APMAP: variants seen among roughly 807,000 people sequenced by gnomAD.
APMAP encodes the protein adipocyte plasma membrane associated protein, also known as adipocyte plasma membrane-associated protein.
In APMAP, 33 loss-of-function variants were observed where a neutral mutation model predicts 43.6. The observed-to-expected ratio is 0.76, with a 90% CI of 0.57 to 1.01. The LOEUF is 1.01. APMAP is among the 50% of genes least tolerant of loss of function. The pLI is 0.00. For synonymous variants in APMAP, 224 were observed against 216.7 expected, an observed-to-expected ratio of 1.03 and a Z score of -0.30; for missense variants, 498 against 540.7, an observed-to-expected ratio of 0.92 and a Z score of 0.78.
chr20:24,973,186 C>G (rs1217599398), intron 4 of APMAP, among the ~76,000 whole-genome samples: 1 of 152,190 alleles, frequency 6.6e-6, no homozygotes, highest in Non-Finnish European at 1.5e-5. Flanking sequence ...GAGTCTTCTA[C>G]TCTAGTTTTC....
At chr20:24,967,528 A>G (rs2087956082) in intron 8 of APMAP, among the ~76,000 whole-genome samples, 1 of 152,132 alleles carries the variant, frequency 6.6e-6, no homozygotes, top group Non-Finnish European at 1.5e-5. Context: ...AGGATGACAA[A>G]TGAACTATGC....
chr20:24,987,308 G>C (rs563677385), intron 1 of APMAP, among the ~76,000 whole-genome samples: 1 of 152,270 alleles, frequency 6.6e-6, no homozygotes, highest in East Asian at 1.9e-4. Flanking sequence ...ACTTTCTGTA[G>C]AGAAAACATC....
At chr20:24,980,509 C>T (rs1038329843) in intron 2 of APMAP, among the ~76,000 whole-genome samples, 9 of 150,152 alleles carry the variant, frequency 6.0e-5, no homozygotes, top group Admixed American at 1.3e-4. Flanking sequence ...CACCTCTACA[C>T]GCTGGGCAGC....
At chr20:24,990,352 T>G (rs921792846) in intron 1 of APMAP, among the ~76,000 whole-genome samples, 10 of 152,230 alleles carry the variant, frequency 6.6e-5, no homozygotes, top group Non-Finnish European at 1.5e-4. Context: ...TCATTCATTT[T>G]CATTTCTCTT....
chr20:24,974,537 T>G (rs990235993), intron 3 of APMAP, among the ~76,000 whole-genome samples: 8 of 152,148 alleles, frequency 5.3e-5, no homozygotes, highest in African/African-American at 1.7e-4. Context: ...ATATACCAAC[T>G]GAAAGAGAGA....
intron 1 of APMAP, among the ~76,000 whole-genome samples, chr20:24,985,521 C>G (rs1358652644): frequency 6.6e-6 from 1 of 152,154 alleles, no homozygotes; most frequent in Non-Finnish European, 1.5e-5. Flanking sequence ...GACTTCTGGC[C>G]TACAAAACTA....
chr20:24,984,133 G>A (rs955378557), intron 1 of APMAP, 114 bp from the exon 2 acceptor site: 13 of 730,920 alleles, frequency 1.8e-5, no homozygotes, highest in African/African-American at 1.8e-4. Flanking sequence ...TTTCCCCACT[G>A]CAAGCTGGCC....
Position 24,978,755 on chromosome 20 carries a change from G to A in APMAP, c.328+12C>T. On this transcript the variant is annotated intron_variant, in intron 3 of 8. Coordinates refer to ENST00000217456, the MANE Select transcript of APMAP (RefSeq NM_020531.3). Reference sequence around the variant, plus strand: ...CCTGGAAGGCTCCCCCCCCACCCAAGCTTAGACTTACCCCCAATATGTGCT... The same window carrying A: ...CCTGGAAGGCTCCCCCCCCACCCAAACTTAGACTTACCCCCAATATGTGCT... 2 of 1,381,020 alleles carry A rather than the reference G, an allele frequency of 1.4e-6. No individual in the cohort carries two copies. The highest frequency in any genetic ancestry group is 1.9e-5 in the Admixed American group (1 of 53,238). The allele number at this position is 1,381,020 out of a possible 1,614,324, so 85.5% of individuals were successfully genotyped here. A position where few individuals can be genotyped will look rare whatever the true frequency, so the allele number is the denominator to read the frequency against.
At chr20:24,977,470 C>T (rs2088059792) in intron 3 of APMAP, among the ~76,000 whole-genome samples, 1 of 152,200 alleles carries the variant, frequency 6.6e-6, no homozygotes, top group African/African-American at 2.4e-5. Flanking sequence ...AGAGCTAGTA[C>T]CTCCTTCCAC....
intron 2 of APMAP, among the ~76,000 whole-genome samples, chr20:24,983,578 C>G (rs1440107845): frequency 6.6e-6 from 1 of 152,164 alleles, no homozygotes; most frequent in Non-Finnish European, 1.5e-5. Context: ...AATGAGGTAA[C>G]TGAAGCTCCA....
intron 8 of APMAP, 61 bp downstream of exon 8, chr20:24,968,831 A>C: frequency 6.7e-7 from 1 of 1,484,902 alleles, no homozygotes; most frequent in African/African-American, 1.4e-5. Flanking sequence ...TATAAGGGTC[A>C]AAAAAATATG....
intron 2 of APMAP, among the ~76,000 whole-genome samples, chr20:24,982,024 T>G (rs1349412248): frequency 6.6e-6 from 1 of 152,242 alleles, no homozygotes; most frequent in Non-Finnish European, 1.5e-5. Context: ...GCTTCTGCTC[T>G]GCATTTTGGG....
intron 2 of APMAP, among the ~76,000 whole-genome samples, 186 bp downstream of exon 2, chr20:24,983,717 T>A (rs1036096077): frequency 1.3e-5 from 2 of 152,188 alleles, no homozygotes; most frequent in Non-Finnish European, 2.9e-5. Flanking sequence ...GAAAATACCA[T>A]GCATATTTCC....
At chr20:24,967,979 A>G (rs984813383) in intron 8 of APMAP, among the ~76,000 whole-genome samples, 5 of 152,260 alleles carry the variant, frequency 3.3e-5, no homozygotes, top group African/African-American at 4.8e-5. Flanking sequence ...AGGGGTCCAG[A>G]CACACAGCCC....
Position 24,971,480 on chromosome 20 carries a change from A to C in APMAP, c.518T>G (p.Phe173Cys). The change falls in exon 5 of 9, where the codon TTT becomes TGT. Residue 173 changes from phenylalanine to cysteine, a missense_variant. Transcript: ENST00000217456. ...LFVADAYKGL[F>C]EVNPWKREVK... is the part of the protein sequence containing the mutation. ...CATACGTTTCCAGGGATTTACTTCAAATAGTCCCTTGTATGCATCGGCCAC... is the reference window on the plus strand; with the variant it reads ...CATACGTTTCCAGGGATTTACTTCACATAGTCCCTTGTATGCATCGGCCAC... The C allele has an allele frequency of 1.2e-6, 2 of 1,614,036 alleles. No individual in the cohort carries two copies. The highest frequency in any genetic ancestry group is 1.7e-6 in the Non-Finnish European group (2 of 1,179,856).
rs116718851 is a variant in APMAP, at chr20:24,986,294, T to C, written c.96-2275A>G. Among the ~76,000 whole-genome samples the C allele has an allele frequency of 4.1e-3, 631 of 152,322 alleles. 1 individual carries two copies. Among genetic ancestry groups the C allele is most frequent in the African/African-American group, 0.014 (588 of 41,558 alleles). Reference sequence around the variant, plus strand: ...ACCTGAGGCCAGGTAAAATGCCACATTGCCAGTCCTTACCCCTTTTATTAG... The same window carrying C: ...ACCTGAGGCCAGGTAAAATGCCACACTGCCAGTCCTTACCCCTTTTATTAG... On this transcript the variant is annotated intron_variant, in intron 1 of 8. Transcript: ENST00000217456.
intron 1 of APMAP, among the ~76,000 whole-genome samples, chr20:24,985,607 T>C (rs2088140520): frequency 6.6e-6 from 1 of 152,082 alleles, no homozygotes; most frequent in South Asian, 2.1e-4. Context: ...AAATTAACAG[T>C]TTTCTAAGTA....
rs151264982 is a variant in APMAP, at chr20:24,980,394, T to C, written c.213-1512A>G. On this transcript the variant is annotated intron_variant, in intron 2 of 8. Transcript: ENST00000217456. ...ACCCCACCTGGGGCAATTGGTGCCA[T>C]GCTACGATGACAAGCAGAGCTGCCA... is the stretch of plus-strand genomic sequence containing the variant. Among the ~76,000 whole-genome samples the C allele has an allele frequency of 1.8e-4, 27 of 152,354 alleles. No individual in the cohort carries two copies. The East Asian group carries it at 4.8e-3, about 27-fold the overall frequency.
At chr20:24,983,828 T>C in intron 2 of APMAP, 75 bp downstream of exon 2, 2 of 1,055,562 alleles carry the variant, frequency 1.9e-6, no homozygotes, top group Non-Finnish European at 1.4e-6. Context: ...TTAATCACCC[T>C]CCTTTCCTTG....
Sources: allele counts gnomAD v4.1 joint callset (sites outside exome capture counted in the v4.1 genomes callset), GRCh38; gene constraint gnomAD v4.1.1; transcripts MANE v1.5; gene names NCBI Gene and HGNC (gene_info 2026-07-23, HGNC 2026-07-21).